The following IST1 variants were observed in gnomAD, a reference collection of about 807,000 sequenced individuals.
IST1 encodes IST1 homolog.
Under a neutral mutation model 37.0 loss-of-function variants are expected in IST1, and 23 were observed. The observed-to-expected ratio is 0.62, with a 90% CI of 0.45 to 0.88. IST1 has a LOEUF of 0.88. Ranked by LOEUF, IST1 falls within the 40% of genes least tolerant of loss-of-function variation. IST1 has a pLI of 0.00. For synonymous variants in IST1, 180 were observed against 161.7 expected, an observed-to-expected ratio of 1.11 and a Z score of -0.86; for missense variants, 488 against 445.4, an observed-to-expected ratio of 1.10 and a Z score of -0.86.
chr16:71,910,549 T>C (rs991241243), intron 1 of IST1, among the ~76,000 whole-genome samples: 1 of 145,642 alleles, frequency 6.9e-6, no homozygotes, highest in Non-Finnish European at 1.5e-5. Context: ...GAGCTTGCAG[T>C]GGGCCGAGAT....
chr16:71,898,023 A>G (rs774013025), intron 1 of IST1, among the ~76,000 whole-genome samples: 1 of 152,138 alleles, frequency 6.6e-6, no homozygotes, highest in Non-Finnish European at 1.5e-5. Flanking sequence ...ACAAGATACG[A>G]TGAGAAGGAT....
chr16:71,927,537 C>G (rs1282016728), intron 9 of IST1, 77 bp from the exon 10 acceptor site: 8 of 1,013,046 alleles, frequency 7.9e-6, no homozygotes, highest in Non-Finnish European at 1.2e-5. Context: ...GTGTTTTGAT[C>G]ATTTTATTTT....
intron 5 of IST1, 125 bp from the exon 6 acceptor site, chr16:71,921,218 C>G: frequency 1.5e-6 from 1 of 648,344 alleles, no homozygotes; most frequent in South Asian, 1.9e-5. Context: ...AATCATTTAA[C>G]TGCTCTGAAC....
At position 71,915,834 on chromosome 16, in the gene IST1, T is replaced by G. The variant is rs144243159; in HGVS notation, c.88+106T>G. 210 of 653,336 alleles carry G rather than the reference T, an allele frequency of 3.2e-4. 1 individual carries two copies. Among genetic ancestry groups the G allele is most frequent in the African/African-American group, 3.2e-3 (170 of 53,824 alleles). The allele number at this position is 653,336 out of a possible 1,614,324, so 40.5% of individuals were successfully genotyped here. On this transcript the variant is annotated intron_variant, in intron 2 of 9. Coordinates refer to ENST00000378799, the MANE Select transcript of IST1 (RefSeq NM_001270975.2). ...TGAAGTCTTAGGGATCATATTTTTT[T>G]TTGTTGTTTTTGTTGAGACAGGGTC... is the stretch of plus-strand genomic sequence containing the variant.
At position 71,920,749 on chromosome 16, in the gene IST1, A is replaced by T. The variant is rs1206896570; in HGVS notation, c.368A>T (p.Gln123Leu). 2 of 1,613,512 alleles carry T rather than the reference A, an allele frequency of 1.2e-6. No individual in the cohort carries two copies. Among genetic ancestry groups the T allele is most frequent in the Non-Finnish European group, 1.7e-6 (2 of 1,179,532 alleles). ...CCTTTTTCTTTTTAGGTTGCTGATC[A>T]GCTCTGTGCCAAGTATAGCAAGGAA... ...EVAELKIVAD[Q>L]LCAKYSKEYG... is the part of the protein sequence containing the mutation. Residue 123 changes from glutamine to leucine, a missense_variant, in exon 5 of 10, where the codon CAG becomes CTG. Gln to Leu is a moderately radical substitution (Grantham distance 113, BLOSUM62 -2). Transcript: ENST00000378799.
At chr16:71,914,971 T>C (rs1274557921) in intron 1 of IST1, among the ~76,000 whole-genome samples, 1 of 152,188 alleles carries the variant, frequency 6.6e-6, no homozygotes, top group African/African-American at 2.4e-5. Context: ...TTCAGTGAAA[T>C]TCCTGGTAAA....
intron 1 of IST1, among the ~76,000 whole-genome samples, chr16:71,908,013 C>T (rs2037265048): frequency 1.3e-5 from 2 of 152,102 alleles, no homozygotes; most frequent in Admixed American, 1.3e-4. Context: ...GGTGTGATCT[C>T]AGTCCACTTC....
intron 6 of IST1, chr16:71,921,683 A>G (rs112919136): frequency 2.8e-4 from 125 of 449,506 alleles, no homozygotes; most frequent in African/African-American, 1.4e-3. Context: ...GTAAAATGGC[A>G]CTATTATTGC....
Position 71,915,455 on chromosome 16 carries a change from G to GT in IST1, c.-15-163dup, listed in dbSNP as rs1414286542. 3.4e-4 allele frequency: 182 copies of GT among 531,336 alleles called. 2 individuals carry two copies. The highest frequency in any genetic ancestry group is 1.1e-3 in the Admixed American group (30 of 27,780). 32.9% of individuals were successfully genotyped at this position (531,336 alleles called of 1,614,324 possible). On this transcript the variant is annotated intron_variant, in intron 1 of 9. Coordinates refer to ENST00000378799, the MANE Select transcript of IST1 (RefSeq NM_001270975.2). Reference sequence around the variant, plus strand: ...TTCCAGTATTATCCTTCCCCAATCAGTTTTTTTTACAACAGCCAAAACAAT... The same window carrying GT: ...TTCCAGTATTATCCTTCCCCAATCAGTTTTTTTTTACAACAGCCAAAACAAT...
chr16:71,910,357 A>G (rs2142551284), intron 1 of IST1, among the ~76,000 whole-genome samples: 1 of 152,280 alleles, frequency 6.6e-6, no homozygotes, highest in East Asian at 1.9e-4. Flanking sequence ...CTGTAATCCC[A>G]GTACTTTGGG....
In IST1 at chr16:71,922,610, TGCC is replaced by T; in HGVS notation, c.690_692del (p.Met230_Pro231delinsIle). 1.4e-6 allele frequency: 1 copy of T among 704,160 alleles called. No homozygotes were observed. Among genetic ancestry groups the T allele is most frequent in the Non-Finnish European group, 1.9e-6 (1 of 517,234 alleles). 43.6% of individuals were successfully genotyped at this position (704,160 alleles called of 1,614,324 possible). ...GGTGGACCTGATGGAACGGTGCCAA[TGCC>T]CATGCCCATGCCCATGCCTATGCCA... is the stretch of plus-strand genomic sequence containing the variant. On this transcript the variant is annotated inframe_deletion, in exon 7 of 10. Transcript: ENST00000378799.
chr16:71,923,770 A>C (rs1401181527), intron 8 of IST1, among the ~76,000 whole-genome samples: 2 of 152,146 alleles, frequency 1.3e-5, no homozygotes, highest in East Asian at 3.9e-4. Flanking sequence ...AACACATGTA[A>C]AGGAAGAGTG....
At chr16:71,901,756 AT>A (rs747208217) in intron 1 of IST1, among the ~76,000 whole-genome samples, 3 of 152,164 alleles carry the variant, frequency 2.0e-5, no homozygotes, top group East Asian at 1.9e-4. Flanking sequence ...AATTTGTAGA[AT>A]TTTTTTAAAA....
intron 1 of IST1, among the ~76,000 whole-genome samples, chr16:71,914,669 G>T (rs2037431031): frequency 6.6e-6 from 1 of 152,100 alleles, no homozygotes; most frequent in Admixed American, 6.6e-5. Context: ...TTTACAAAAG[G>T]AAAACACATC....
chr16:71,916,509 G>A lies in IST1; in HGVS notation c.136G>A (p.Ala46Thr), dbSNP rs760533954. 1.8e-5 allele frequency: 29 copies of A among 1,613,408 alleles called. No homozygotes were observed. The highest frequency in any genetic ancestry group is 1.9e-5 in the Non-Finnish European group (23 of 1,179,862). Reference protein sequence around the residue: ...ARKEIADYLAAGKDERARIRV... With the variant: ...ARKEIADYLATGKDERARIRV... ...GAAGGAGATTGCTGACTATCTGGCT[G>A]CTGGGAAAGATGAACGAGCTCGGAT... is the stretch of plus-strand genomic sequence containing the variant. The change falls in exon 3 of 10, where the codon GCT (alanine) becomes ACT (threonine). Residue 46 changes from alanine to threonine, a missense_variant. This residue lies in a region of IST1 where 33 missense variants were observed against 59.3 expected (regional missense o/e 0.56). Coordinates refer to ENST00000378799, the MANE Select transcript of IST1 (RefSeq NM_001270975.2).
intron 1 of IST1, among the ~76,000 whole-genome samples, chr16:71,896,616 A>G (rs893554627): frequency 1.3e-5 from 2 of 152,124 alleles, no homozygotes; most frequent in Admixed American, 6.6e-5. Flanking sequence ...TTGTACCTAC[A>G]AGCCAATAGT....
At chr16:71,922,249 T>TCCAGCTGCAGAAGTCA (rs1188305606) in intron 6 of IST1, among the ~76,000 whole-genome samples, 2 of 152,194 alleles carry the variant, frequency 1.3e-5, no homozygotes, top group Non-Finnish European at 2.9e-5. Context: ...TCAGGTCCAT[T>TCCAGCTGCAGAAGTCA]CCAGCTGCAG....
At chr16:71,908,084 C>T (rs1411976273) in intron 1 of IST1, among the ~76,000 whole-genome samples, 1 of 152,120 alleles carries the variant, frequency 6.6e-6, no homozygotes, top group Non-Finnish European at 1.5e-5. Context: ...GCTGGGACTA[C>T]AGGCACGTGC....
intron 1 of IST1, among the ~76,000 whole-genome samples, chr16:71,911,391 G>T (rs1480057202): frequency 6.6e-6 from 1 of 151,906 alleles, no homozygotes; most frequent in Non-Finnish European, 1.5e-5. Flanking sequence ...AGTTCAGCCA[G>T]GTGTGGTGGT....
Sources: allele counts gnomAD v4.1 joint callset (sites outside exome capture counted in the v4.1 genomes callset), GRCh38; gene constraint gnomAD v4.1.1; regional missense constraint gnomAD v4.1.1; transcripts MANE v1.5; gene names NCBI Gene and HGNC (gene_info 2026-07-23, HGNC 2026-07-21).